Variants in CHD9 observed in about 807,000 individuals in gnomAD.
CHD9 encodes ATP-dependent chromatin remodeler CHD9.
CHD9 carries 77 observed loss-of-function variants against 316.1 expected under a neutral mutation model. The observed-to-expected ratio is 0.24, with a 90% confidence interval of 0.20 to 0.29. CHD9 has a LOEUF of 0.29. Ranked by LOEUF, CHD9 falls within the 10% of genes least tolerant of loss-of-function variation. CHD9 has a pLI of 1.00. For missense variants in CHD9, 2,763 were observed against 3,438.1 expected, an observed-to-expected ratio of 0.80 and a Z score of 4.91; for synonymous variants, 1,129 against 1,158.3, an observed-to-expected ratio of 0.97 and a Z score of 0.51.
chr16:53,140,706 G>C (rs1016224229), intron 1 of CHD9, among the ~76,000 whole-genome samples: 2 of 152,150 alleles, frequency 1.3e-5, no homozygotes, highest in African/African-American at 4.8e-5. Context: ...TCTAACCTCA[G>C]CCTCCCAAGT....
chr16:53,226,716 C>T (rs115162729), intron 5 of CHD9, among the ~76,000 whole-genome samples: 390 of 152,296 alleles, frequency 2.6e-3, no homozygotes, highest in African/African-American at 9.1e-3. Context: ...GTTGTCACTA[C>T]ACTTTCTACC....
At chr16:53,153,632 G>T (rs28479065) in intron 1 of CHD9, among the ~76,000 whole-genome samples, 261 of 152,168 alleles carry the variant, frequency 1.7e-3, no homozygotes, top group African/African-American at 6.1e-3. Flanking sequence ...AGGCTCAAGC[G>T]ATCCTCCCAC....
chr16:53,063,228 A>T (rs10153130), intron 1 of CHD9, among the ~76,000 whole-genome samples: 4 of 151,988 alleles, frequency 2.6e-5, no homozygotes, highest in Admixed American at 2.0e-4. Context: ...CTGAGCAAAC[A>T]GGCATAGAGA....
At chr16:53,227,090 A>G (rs894270415) in intron 5 of CHD9, 3 of 233,566 alleles carry the variant, frequency 1.3e-5, no homozygotes, top group African/African-American at 2.4e-5. Context: ...AAATTTCCTA[A>G]TCTGTAAAAT....
chr16:53,091,405 C>A (rs1302055842), intron 1 of CHD9, among the ~76,000 whole-genome samples: 1 of 152,318 alleles, frequency 6.6e-6, no homozygotes, highest in East Asian at 1.9e-4. Context: ...CAGGGAGATA[C>A]TAACTGTGAT....
intron 1 of CHD9, among the ~76,000 whole-genome samples, chr16:53,109,150 G>T (rs566806307): frequency 7.2e-4 from 109 of 152,248 alleles, no homozygotes; most frequent in Middle Eastern, 3.4e-3. Flanking sequence ...CTGTCCTGGG[G>T]ATAATCCTGG....
chr16:53,308,084 T>C (rs1031176544), intron 33 of CHD9, 131 bp downstream of exon 33: 3 of 780,368 alleles, frequency 3.8e-6, no homozygotes. Context: ...GATTATTTTC[T>C]TTCTGATATC....
At chr16:53,108,108 C>T (rs2037515292) in intron 1 of CHD9, among the ~76,000 whole-genome samples, 1 of 152,066 alleles carries the variant, frequency 6.6e-6, no homozygotes, top group African/African-American at 2.4e-5. Context: ...AGGGTAAGAC[C>T]TTTTTATCTC....
At chr16:53,263,281 A>G (rs539459958) in intron 20 of CHD9, among the ~76,000 whole-genome samples, 184 bp downstream of exon 20, 1 of 152,174 alleles carries the variant, frequency 6.6e-6, no homozygotes, top group Non-Finnish European at 1.5e-5. Context: ...AATATCTCCC[A>G]TGATGGGTTA....
chr16:53,247,212 A>G (rs2152959295), intron 15 of CHD9, 81 bp from the exon 16 acceptor site: 2 of 922,680 alleles, frequency 2.2e-6, no homozygotes, highest in Middle Eastern at 3.1e-4. Flanking sequence ...ACACAGGAGC[A>G]CTAATTGTGA....
At position 53,324,801 on chromosome 16, in the gene CHD9, G is replaced by C; in HGVS notation, c.8600G>C (p.Ser2867Thr). 3 of 1,612,918 alleles carry C rather than the reference G, an allele frequency of 1.9e-6. No individual in the cohort carries two copies. Among genetic ancestry groups the C allele is most frequent in the Non-Finnish European group, 2.5e-6 (3 of 1,179,382 alleles). ...GTEPSPLNEN[S>T]TDEGSEKADA... ...GAACCAAGTCCTCTCAATGAAAACA[G>C]CACAGATGAGGGTTCAGAGAAAGCT... The change falls in exon 39 of 39, where the codon AGC becomes ACC. Residue 2867 changes from serine (S) to threonine (T), a missense_variant. By Grantham distance (58) the Ser-to-Thr change is moderately conservative. Transcript: ENST00000447540.
At chr16:53,174,148 G>A (rs572324806) in intron 2 of CHD9, among the ~76,000 whole-genome samples, 39 of 152,244 alleles carry the variant, frequency 2.6e-4, no homozygotes, top group African/African-American at 8.9e-4. Flanking sequence ...GCTGGGTTTG[G>A]TGGCATGCAC....
chr16:53,119,841 C>T (rs945151427), intron 1 of CHD9, among the ~76,000 whole-genome samples: 4 of 151,868 alleles, frequency 2.6e-5, no homozygotes, highest in Admixed American at 6.6e-5. Context: ...TGAAAAAAAA[C>T]AAAACAACAA....
At chr16:53,191,223 T>C (rs1253484293) in intron 2 of CHD9, among the ~76,000 whole-genome samples, 1 of 152,148 alleles carries the variant, frequency 6.6e-6, no homozygotes, top group East Asian at 1.9e-4. Context: ...TTTATGGCTT[T>C]TTCACCATTT....
chr16:53,247,566 CTGTAA>C, intron 16 of CHD9, 63 bp downstream of exon 16: 1 of 1,132,070 alleles, frequency 8.8e-7, no homozygotes, highest in East Asian at 2.6e-5. Flanking sequence ...TTGTGCAGCA[CTGTAA>C]TGTAAATGAA....
chr16:53,174,238 C>A (rs528949994), intron 2 of CHD9, among the ~76,000 whole-genome samples: 35 of 152,244 alleles, frequency 2.3e-4, no homozygotes, highest in African/African-American at 8.2e-4. Flanking sequence ...GAACCAAGAT[C>A]GTGCCACTAC....
At position 53,139,336 on chromosome 16, in the gene CHD9, G is replaced by A. The variant is rs931682298; in HGVS notation, c.-164-16590G>A. Among the ~76,000 whole-genome samples, 3 of 152,070 alleles carry A rather than the reference G, an allele frequency of 2.0e-5. No homozygotes were observed. In the East Asian group the frequency reaches 5.8e-4, roughly 29 times the overall value. ...AAGGCAAAGGAAGGGCCATATTGAA[G>A]GTAAAGGGTATAAATTAATATTAAC... On this transcript the variant is annotated intron_variant, in intron 1 of 38. Transcript: ENST00000447540.
chr16:53,151,659 C>T lies in CHD9; in HGVS notation c.-164-4267C>T, dbSNP rs79400808. On this transcript the variant is annotated intron_variant, in intron 1 of 38. Transcript: ENST00000447540. The stretch of plus-strand genomic sequence containing the variant: ...TTGCTGATTATTTCTTCGGTTTGCT[C>T]AAATCTCCTGTTGAACAACGATAAT... Among the ~76,000 whole-genome samples, 212 of 152,308 alleles carry T rather than the reference C, an allele frequency of 1.4e-3. 6 individuals are homozygous for T. The East Asian group carries it at 0.036, about 26-fold the overall frequency.
rs765710265 is a variant in CHD9, at chr16:53,209,822, G to T, written c.1784+9G>T. ...GAGAAGACAAAAATTGGGTAAGTTG[G>T]TTAAGAATTAAATTTAATTCCTTTC... On this transcript the variant is annotated intron_variant, in intron 3 of 38. Transcript: ENST00000447540. 6.6e-7 allele frequency: 1 copy of T among 1,520,454 alleles called. No individual in the cohort carries two copies. 94.2% of individuals were successfully genotyped at this position (1,520,454 alleles called of 1,614,324 possible).
Sources: gnomAD v4.1 joint callset for allele counts (sites outside exome capture counted in the v4.1 genomes callset) on GRCh38, gnomAD v4.1.1 for gene constraint, MANE v1.5 for transcripts, NCBI Gene and HGNC (gene_info 2026-07-23, HGNC 2026-07-21) for gene names.